The following KIAA1755 variants were observed in gnomAD, a reference collection of about 807,000 sequenced individuals.
The protein encoded by KIAA1755 is KIAA1755.
KIAA1755 carries 68 observed loss-of-function variants against 91.7 expected under a neutral mutation model. That is an observed-to-expected ratio of 0.74 (90% CI 0.61 to 0.91). The LOEUF (loss-of-function observed/expected upper bound fraction) is 0.91, where lower values mean the gene tolerates loss of function less well. KIAA1755 is among the 40% of genes least tolerant of loss of function. The pLI is 0.00. For missense variants in KIAA1755, 1,535 were observed against 1,494.4 expected, an observed-to-expected ratio of 1.03 and a Z score of -0.45; for synonymous variants, 610 against 604.6, an observed-to-expected ratio of 1.01 and a Z score of -0.13.
chr20:38,217,115 G>A (rs2075558934), intron 13 of KIAA1755, 138 bp downstream of exon 13: 7 of 711,442 alleles, frequency 9.8e-6, no homozygotes, highest in African/African-American at 1.8e-5. Context: ...GTGGGGGGGG[G>A]CTGTGTCTAG....
chr20:38,235,807 A>G (rs1337382641), intron 4 of KIAA1755, among the ~76,000 whole-genome samples: 1 of 152,256 alleles, frequency 6.6e-6, no homozygotes, highest in Non-Finnish European at 1.5e-5. Context: ...AGTGCCTATT[A>G]AACAAAACCC....
At chr20:38,218,942 G>A (rs995896641) in intron 11 of KIAA1755, among the ~76,000 whole-genome samples, 3 of 152,110 alleles carry the variant, frequency 2.0e-5, no homozygotes, top group East Asian at 1.9e-4. Context: ...TCTCAACCCC[G>A]AGTGGAAGTT....
chr20:38,260,309 G>A lies in KIAA1755; in HGVS notation c.3+189C>T, dbSNP rs750312239. 16 of 1,551,866 alleles carry A rather than the reference G, an allele frequency of 1.0e-5. No homozygotes were observed. The African/African-American group carries it at 1.5e-4, about 15-fold the overall frequency. Reference sequence around the variant, plus strand: ...ACATGGAGAAGCCAGGAGAGGACGCGGCCAGAGATGGGCTCCTGCCCTTGA... The same window carrying A: ...ACATGGAGAAGCCAGGAGAGGACGCAGCCAGAGATGGGCTCCTGCCCTTGA... On this transcript the variant is annotated intron_variant, in intron 1 of 13. Transcript: ENST00000279024.
rs1205016211 is a variant in KIAA1755, at chr20:38,241,721, G to A, written c.410C>T (p.Pro137Leu). Reference sequence around the variant, plus strand: ...GAAAAGTATAGGGTAGGCTGGCTCTGGAACAGGCTTCTTGTCCACTGTGCA... The same window carrying A: ...GAAAAGTATAGGGTAGGCTGGCTCTAGAACAGGCTTCTTGTCCACTGTGCA... ...DLCTVDKKPV[P>L]EPAYPILFTQ... The change falls in exon 3 of 14, where the codon CCA (proline) becomes CTA (leucine). Residue 137 changes from proline to leucine, a missense_variant. Pro to Leu is a moderately conservative substitution (Grantham distance 98). Transcript: ENST00000279024. 4 of 1,614,226 alleles carry A rather than the reference G, an allele frequency of 2.5e-6. No homozygotes were observed. The South Asian group carries it at 4.4e-5, about 18-fold the overall frequency.
chr20:38,229,188 A>G (rs2075817493), intron 5 of KIAA1755, among the ~76,000 whole-genome samples: 1 of 152,216 alleles, frequency 6.6e-6, no homozygotes, highest in South Asian at 2.1e-4. Flanking sequence ...GTGGGAGGGT[A>G]GAGCTGTGGC....
intron 1 of KIAA1755, among the ~76,000 whole-genome samples, chr20:38,257,494 T>C (rs1278459302): frequency 6.6e-6 from 1 of 151,002 alleles, no homozygotes; most frequent in Non-Finnish European, 1.5e-5. Flanking sequence ...GGCATGAGAA[T>C]TGCTTAAACC....
intron 13 of KIAA1755, among the ~76,000 whole-genome samples, chr20:38,215,816 C>T (rs2075534620): frequency 6.6e-6 from 1 of 152,146 alleles, no homozygotes; most frequent in Non-Finnish European, 1.5e-5. Context: ...TCTTCCTCCT[C>T]TTAATGATAA....
chr20:38,241,786 C>T lies in KIAA1755; in HGVS notation c.345G>A (p.Gln115=), dbSNP rs2076072439. Residue 115 remains glutamine, a synonymous_variant, in exon 3 of 14, where the codon CAG becomes CAA. Transcript: ENST00000279024. Reference sequence around the variant, plus strand: ...GGCATTTGATCATGATGCAGACAGACTGCTCCTCCTGGGGCTCCACTTGGA... The same window carrying T: ...GGCATTTGATCATGATGCAGACAGATTGCTCCTCCTGGGGCTCCACTTGGA... The part of the protein sequence containing the change: ...FYLQVEPQEE[Q]SVCIMIKCLS... The T allele has an allele frequency of 1.2e-6, 2 of 1,614,218 alleles. No homozygotes were observed. The highest frequency in any genetic ancestry group is 2.2e-5 in the South Asian group (2 of 91,088).
At chr20:38,225,884 A>G (rs2123119506) in intron 7 of KIAA1755, 103 bp from the exon 8 acceptor site, 1 of 621,562 alleles carries the variant, frequency 1.6e-6, no homozygotes. Context: ...ATTTCCCACA[A>G]GTAAGGTTGA....
intron 1 of KIAA1755, among the ~76,000 whole-genome samples, chr20:38,250,430 A>G (rs757362265): frequency 7.9e-5 from 12 of 151,764 alleles, no homozygotes; most frequent in Non-Finnish European, 1.3e-4. Flanking sequence ...GGTGCTCATT[A>G]AGTAAGAGCC....
At position 38,231,202 on chromosome 20, in the gene KIAA1755, C is replaced by G. The variant is rs750938073; in HGVS notation, c.1871G>C (p.Arg624Thr). The change falls in exon 5 of 14, where the codon AGG (arginine) becomes ACG (threonine). Residue 624 changes from arginine (R) to threonine (T), a missense_variant and splice_region_variant. By Grantham distance (71) the Arg-to-Thr change is moderately conservative (BLOSUM62 -1). Coordinates refer to ENST00000279024, the MANE Select transcript of KIAA1755 (RefSeq NM_001029864.2). ...CAGTCAGGGTGGCCCAGATCCTTAC[C>G]TGGGGATGGTACACAGGTAGGACAG... ...KLLSYLCTIPRPEDKAKGLAV... is the reference protein window; with the variant it reads ...KLLSYLCTIPTPEDKAKGLAV... 4 of 1,612,134 alleles carry G rather than the reference C, an allele frequency of 2.5e-6. No homozygotes were observed. The East Asian group carries it at 8.9e-5, about 36-fold the overall frequency.
intron 2 of KIAA1755, among the ~76,000 whole-genome samples, chr20:38,245,179 T>C (rs1477539154): frequency 6.6e-6 from 1 of 152,134 alleles, no homozygotes; most frequent in Non-Finnish European, 1.5e-5. Flanking sequence ...GGATCCTTCC[T>C]TGAGATTTTT....
chr20:38,214,671 C>T (rs2075513483), intron 13 of KIAA1755, among the ~76,000 whole-genome samples: 1 of 152,238 alleles, frequency 6.6e-6, no homozygotes, highest in African/African-American at 2.4e-5. Flanking sequence ...CACCATCACA[C>T]CTTGAGACTG....
intron 2 of KIAA1755, among the ~76,000 whole-genome samples, chr20:38,243,447 T>C (rs546535946): frequency 7.9e-4 from 120 of 152,318 alleles, no homozygotes; most frequent in African/African-American, 2.5e-3. Context: ...TCTCATTGAA[T>C]GAGAAAAAAC....
rs1404258002 is a variant in KIAA1755 at position 38,213,399 on chromosome 20, T to C, written c.3246A>G (p.Val1082=). 1.9e-6 allele frequency: 3 copies of C among 1,601,218 alleles called. No homozygotes were observed. The highest frequency in any genetic ancestry group is 2.6e-6 in the Non-Finnish European group (3 of 1,173,458). The stretch of plus-strand genomic sequence containing the variant: ...CCCACCTCCCCTTGGAAGTGACCTC[T>C]ACACTCACACCCTGGCCCTTGGCTG... ...GVAAKGQGVS[V]EVTSKGRWDQ... The change falls in exon 14 of 14, where the codon GTA becomes GTG. Residue 1082 remains valine (V), a synonymous_variant. Coordinates refer to ENST00000279024, the MANE Select transcript of KIAA1755 (RefSeq NM_001029864.2).
Position 38,218,277 on chromosome 20 carries a change from G to A in KIAA1755, c.2646C>T (p.His882=), listed in dbSNP as rs377624762. 65 of 1,614,100 alleles carry A rather than the reference G, an allele frequency of 4.0e-5. No homozygotes were observed. Among genetic ancestry groups the A allele is most frequent in the South Asian group, 8.8e-5 (8 of 91,092 alleles). Residue 882 remains histidine, a synonymous_variant, in exon 12 of 14, where the codon CAC becomes CAT. Coordinates refer to ENST00000279024, the MANE Select transcript of KIAA1755 (RefSeq NM_001029864.2). ...DGSLETVEKA[H]AEFENFFLQA... is the part of the protein sequence containing the mutation. ...GGAGGAAGAAGTTCTCAAATTCTGC[G>A]TGGGCTTTCTCCACTGTCTCCAAAC...
At position 38,239,629 on chromosome 20, in the gene KIAA1755, G is replaced by T; in HGVS notation, c.1646C>A (p.Pro549Gln). The T allele has an allele frequency of 6.2e-7, 1 of 1,605,770 alleles. No homozygotes were observed. The highest frequency in any genetic ancestry group is 1.1e-5 in the South Asian group (1 of 89,898). Residue 549 changes from proline (P) to glutamine (Q), a missense_variant, in exon 4 of 14, where the codon CCA becomes CAA. Transcript: ENST00000279024. ...AALPEASAGS[P>Q]ERGPTLEEEP... is the part of the protein sequence containing the mutation. ...CTCCTCCAGGGTGGGGCCTCTTTCT[G>T]GGGAGCCTGCAGAAGCTTCTGGCAA...
chr20:38,219,822 G>C, intron 10 of KIAA1755, 54 bp from the exon 11 acceptor site: 1 of 1,605,648 alleles, frequency 6.2e-7, no homozygotes, highest in South Asian at 1.1e-5. Flanking sequence ...TCACCCTGCT[G>C]TACTTCTGTC....
intron 2 of KIAA1755, among the ~76,000 whole-genome samples, chr20:38,242,773 T>C (rs1194559637): frequency 1.3e-5 from 2 of 152,294 alleles, no homozygotes; most frequent in Non-Finnish European, 2.9e-5. Flanking sequence ...ACCCAAAGGT[T>C]ATTCTGGGCC....
Sources: allele counts gnomAD v4.1 joint callset (sites outside exome capture counted in the v4.1 genomes callset), GRCh38; gene constraint gnomAD v4.1.1; transcripts MANE v1.5; gene names NCBI Gene and HGNC (gene_info 2026-07-23, HGNC 2026-07-21).